The following SPIDR variants were observed in gnomAD, a reference collection of about 807,000 sequenced individuals.
The protein encoded by SPIDR is DNA repair-scaffolding protein.
In SPIDR, 93 loss-of-function variants were observed where a neutral mutation model predicts 104.6. That is an observed-to-expected ratio of 0.89 (90% confidence interval 0.75 to 1.06). The LOEUF (loss-of-function observed/expected upper bound fraction) is 1.06. SPIDR is among the 50% of genes least tolerant of loss of function. SPIDR has a pLI of 0.00. For synonymous variants in SPIDR, 431 were observed against 416.9 expected (o/e 1.03, Z -0.41); for missense variants, 1,154 against 1,111.2 (o/e 1.04, Z -0.55).
chr8:47,629,610 G>A (rs940434686), intron 10 of SPIDR, among the ~76,000 whole-genome samples: 2 of 152,190 alleles, frequency 1.3e-5, no homozygotes, highest in African/African-American at 4.8e-5. Context: ...AAAATTAGCT[G>A]GGTGTGGCGG....
At chr8:47,285,381 A>G (rs1429576448) in intron 3 of SPIDR, among the ~76,000 whole-genome samples, 1 of 152,216 alleles carries the variant, frequency 6.6e-6, no homozygotes, top group Non-Finnish European at 1.5e-5. Flanking sequence ...AAATTCTATA[A>G]TCTTCTGATG....
rs782337377 is a variant in SPIDR at position 47,295,906 on chromosome 8, A to G, written c.525+1876A>G. ...GCTGTGATAATTTACATTCCCACCA[A>G]CAATGTACAAGTTCCCTTTTTGCTA... On this transcript the variant is annotated intron_variant, in intron 5 of 19. Transcript: ENST00000297423. Among the ~76,000 whole-genome samples, 31 of 152,298 alleles carry G rather than the reference A, an allele frequency of 2.0e-4. No homozygotes were observed. The South Asian group carries it at 6.0e-3, about 30-fold the overall frequency.
chr8:47,510,036 A>G (rs2082077357), intron 8 of SPIDR, among the ~76,000 whole-genome samples: 1 of 152,240 alleles, frequency 6.6e-6, no homozygotes, highest in African/African-American at 2.4e-5. Context: ...AGCATGTATT[A>G]TTAAGAAACT....
intron 8 of SPIDR, among the ~76,000 whole-genome samples, chr8:47,590,537 T>A (rs2060882197): frequency 6.6e-6 from 1 of 152,218 alleles, no homozygotes; most frequent in African/African-American, 2.4e-5. Context: ...GAGAATATAC[T>A]CTATATGATT....
chr8:47,335,044 G>T (rs1288554276), intron 5 of SPIDR, among the ~76,000 whole-genome samples: 1 of 151,974 alleles, frequency 6.6e-6, no homozygotes, highest in Non-Finnish European at 1.5e-5. Context: ...TTCTCCTTCT[G>T]TTCCTGGCAT....
chr8:47,545,022 G>T (rs2088990400), intron 8 of SPIDR, among the ~76,000 whole-genome samples: 2 of 151,340 alleles, frequency 1.3e-5, no homozygotes, highest in Non-Finnish European at 2.9e-5. Context: ...TTAGCATACA[G>T]CTCTTACAGG....
chr8:47,641,376 A>C (rs527239914), intron 10 of SPIDR, among the ~76,000 whole-genome samples: 33 of 152,136 alleles, frequency 2.2e-4, no homozygotes, highest in Non-Finnish European at 4.3e-4. Context: ...TCCAAGCATG[A>C]ACTTGTGTTA....
chr8:47,465,577 A>C (rs988256426), intron 8 of SPIDR, among the ~76,000 whole-genome samples: 16 of 152,138 alleles, frequency 1.1e-4, no homozygotes, highest in Non-Finnish European at 2.4e-4. Flanking sequence ...TACTAAAAAT[A>C]CAAAAAAATT....
chr8:47,493,574 A>G (rs2154367995), intron 8 of SPIDR, among the ~76,000 whole-genome samples: 1 of 152,234 alleles, frequency 6.6e-6, no homozygotes, highest in Admixed American at 6.5e-5. Context: ...AGAATTGCAA[A>G]CCCTGATGGC....
rs184616752 is a variant in SPIDR at position 47,469,518 on chromosome 8, A to G, written c.1097+28976A>G. On this transcript the variant is annotated intron_variant, in intron 8 of 19. Coordinates refer to ENST00000297423, the MANE Select transcript of SPIDR (RefSeq NM_001080394.4). ...AACAAAGAAAATGTGGTGTGTATAT[A>G]CTACAGAATACCATGCAGCCATAAA... Among the ~76,000 whole-genome samples, 9 of 152,282 alleles carry G rather than the reference A, an allele frequency of 5.9e-5. No individual in the cohort carries two copies. The East Asian group carries it at 1.7e-3, about 29-fold the overall frequency.
At chr8:47,429,576 C>T (rs1554687603) in intron 7 of SPIDR, among the ~76,000 whole-genome samples, 1 of 152,146 alleles carries the variant, frequency 6.6e-6, no homozygotes, top group African/African-American at 2.4e-5. Flanking sequence ...ATAGGGCATC[C>T]CTGAGCCATG....
Position 47,701,784 on chromosome 8 carries a change from C to T in SPIDR, c.1837C>T (p.Gln613Ter), listed in dbSNP as rs753245948. Residue 613 changes from glutamine to a stop codon, truncating the protein, a stop_gained, in exon 13 of 20, where the codon CAA becomes TAA. Coordinates refer to ENST00000297423, the MANE Select transcript of SPIDR (RefSeq NM_001080394.4). LOFTEE classifies it high-confidence loss of function. ...CCTCACAGCTCATCCAAATCTGGGA[C>T]AAATTGATATAATTGACGAAGACCC... ...YILTAHPNLG[Q>*]IDIIDEDPIY... 1.2e-6 allele frequency: 2 copies of T among 1,614,128 alleles called. No individual in the cohort carries two copies. Among genetic ancestry groups the T allele is most frequent in the Middle Eastern group, 1.6e-4 (1 of 6,062 alleles).
chr8:47,316,562 G>T (rs1380380021), intron 5 of SPIDR, among the ~76,000 whole-genome samples: 1 of 152,124 alleles, frequency 6.6e-6, no homozygotes, highest in East Asian at 1.9e-4. Context: ...ACAACATAAT[G>T]AATTTCAAAT....
At chr8:47,700,593 C>CCTTGTTGCCACTGGAG in intron 12 of SPIDR, 103 bp downstream of exon 12, 1 of 1,138,936 alleles carries the variant, frequency 8.8e-7, no homozygotes, top group Non-Finnish European at 1.3e-6. Flanking sequence ...GTCCCCTGCT[C>CCTTGTTGCCACTGGAG]CAGTGGCAAC....
intron 5 of SPIDR, among the ~76,000 whole-genome samples, chr8:47,390,474 AT>A (rs1281051521): frequency 6.7e-6 from 1 of 150,110 alleles, no homozygotes; most frequent in Non-Finnish European, 1.5e-5. Context: ...GTTCATTTGT[AT>A]GTGTGCTATT....
chr8:47,328,164 A>G (rs1378904931), intron 5 of SPIDR, among the ~76,000 whole-genome samples: 5 of 152,000 alleles, frequency 3.3e-5, no homozygotes, highest in African/African-American at 4.8e-5. Context: ...ATGAAGATCT[A>G]TTATCTATGT....
At chr8:47,531,180 C>G (rs749138286) in intron 8 of SPIDR, among the ~76,000 whole-genome samples, 1 of 152,192 alleles carries the variant, frequency 6.6e-6, no homozygotes, top group Non-Finnish European at 1.5e-5. Context: ...GCGTGAGTCA[C>G]TGTACCCAAC....
At chr8:47,262,999 C>G (rs1354721513) in intron 1 of SPIDR, among the ~76,000 whole-genome samples, 3 of 152,194 alleles carry the variant, frequency 2.0e-5, no homozygotes, top group Admixed American at 2.0e-4. Context: ...TACTGCAGAA[C>G]TTATCCTGTG....
chr8:47,466,055 A>C lies in SPIDR; in HGVS notation c.1097+25513A>C, dbSNP rs2074723405. Among the ~76,000 whole-genome samples the C allele has an allele frequency of 2.6e-5, 4 of 152,240 alleles. No individual in the cohort carries two copies. The Middle Eastern group carries it at 0.014, about 518-fold the overall frequency. Reference sequence around the variant, plus strand: ...CTTGGAAACCTTCAAAGAGACTTAAACTCCCACACAATAGTAGTGGGAGAT... The same window carrying C: ...CTTGGAAACCTTCAAAGAGACTTAACCTCCCACACAATAGTAGTGGGAGAT... On this transcript the variant is annotated intron_variant, in intron 8 of 19. Coordinates refer to ENST00000297423, the MANE Select transcript of SPIDR (RefSeq NM_001080394.4).
Sources: allele counts gnomAD v4.1 joint callset (sites outside exome capture counted in the v4.1 genomes callset), GRCh38; gene constraint gnomAD v4.1.1; transcripts MANE v1.5; gene names NCBI Gene and HGNC (gene_info 2026-07-23, HGNC 2026-07-21).